Variants in CLEC18A observed in about 807,000 individuals in gnomAD.
CLEC18A encodes the protein C-type lectin domain family 18 member A.
In CLEC18A, 5 loss-of-function variants were observed where a neutral mutation model predicts 24.0. That is an observed-to-expected ratio of 0.21 (90% CI 0.11 to 0.44). The LOEUF (loss-of-function observed/expected upper bound fraction) is 0.44. Among genes scored for constraint, CLEC18A ranks in the 20% least tolerant of loss-of-function variants. CLEC18A has a pLI of 0.99. For missense variants in CLEC18A, 83 were observed against 233.4 expected (o/e 0.36, Z 4.20); for synonymous variants, 29 against 100.1 (o/e 0.29, Z 4.24).
the CLEC18A span, among the ~76,000 whole-genome samples, chr16:69,944,611 A>C: frequency 6.6e-6 from 1 of 151,992 alleles, no homozygotes; most frequent in Non-Finnish European, 1.5e-5. Flanking sequence ...AGGCCAAGGC[A>C]GGTGGATCAC....
chr16:69,956,016 T>C (rs956944253), intron 3 of CLEC18A, among the ~76,000 whole-genome samples: 2 of 152,040 alleles, frequency 1.3e-5, no homozygotes, highest in Non-Finnish European at 2.9e-5. Context: ...GAGGCCAAGG[T>C]GGCAGGATTG....
downstream of CLEC18A, among the ~76,000 whole-genome samples, chr16:69,965,156 G>T (rs1959335639): frequency 6.6e-6 from 1 of 151,788 alleles, no homozygotes; most frequent in Non-Finnish European, 1.5e-5. Flanking sequence ...CCGGGCGCGG[G>T]CAGTTGTCCT....
At chr16:69,953,192 C>T (rs1489288038) in intron 2 of CLEC18A, 1 of 152,510 alleles carries the variant, frequency 6.6e-6, no homozygotes, top group Non-Finnish European at 1.5e-5. Context: ...ACCCTCCGGG[C>T]CTCTAGGGCT....
chr16:69,965,476 G>A (rs1959355867), downstream of CLEC18A, among the ~76,000 whole-genome samples: 2 of 151,548 alleles, frequency 1.3e-5, no homozygotes, highest in South Asian at 2.1e-4. Context: ...TGACCCGGGC[G>A]CGCGCTGCCC....
At chr16:69,945,187 G>A in the CLEC18A span, among the ~76,000 whole-genome samples, 1 of 148,400 alleles carries the variant, frequency 6.7e-6, no homozygotes, top group Admixed American at 6.6e-5. Context: ...CTGCTCAGGA[G>A]GCTGAGGCAT....
At chr16:69,955,080 A>G (rs1302337001) in intron 3 of CLEC18A, among the ~76,000 whole-genome samples, 2 of 152,116 alleles carry the variant, frequency 1.3e-5, no homozygotes, top group East Asian at 1.9e-4. Context: ...AGCTCACTGC[A>G]ACCTCCGTCT....
intron 3 of CLEC18A, among the ~76,000 whole-genome samples, chr16:69,955,049 G>T (rs1424335370): frequency 6.7e-6 from 1 of 148,612 alleles, no homozygotes; most frequent in Non-Finnish European, 1.5e-5. Flanking sequence ...ACCCCAGGCT[G>T]GAGTGCAGTG....
At chr16:69,944,921 G>A in the CLEC18A span, among the ~76,000 whole-genome samples, 1 of 133,492 alleles carries the variant, frequency 7.5e-6, no homozygotes, top group African/African-American at 3.2e-5. Flanking sequence ...CAGGAGGATC[G>A]CTTGAGCCCA....
At chr16:69,964,858 G>T (rs1238930490), downstream of CLEC18A, among the ~76,000 whole-genome samples, 1 of 152,034 alleles carries the variant, frequency 6.6e-6, no homozygotes, top group Non-Finnish European at 1.5e-5. Context: ...CTGGAGTGCA[G>T]GGGTGCAATC....
chr16:69,955,084 T>C (rs2059016241), intron 3 of CLEC18A, among the ~76,000 whole-genome samples: 2 of 152,152 alleles, frequency 1.3e-5, no homozygotes, highest in Admixed American at 1.3e-4. Flanking sequence ...CACTGCAACC[T>C]CCGTCTCCTA....
rs1300019590 is a variant in CLEC18A at position 69,954,715 on chromosome 16, T to G, written c.456+142T>G. The G allele has an allele frequency of 4.7e-6, 7 of 1,476,328 alleles. No individual in the cohort carries two copies. In the African/African-American group the frequency reaches 9.9e-5, roughly 21 times the overall value. The allele number at this position is 1,476,328 out of a possible 1,614,324, so 91.5% of individuals were successfully genotyped here. A position where few individuals can be genotyped will look rare whatever the true frequency, so the allele number is the denominator to read the frequency against. ...GTTTAGTTTTACTTTTTTTTTTTTT[T>G]GATACGGAGTCTTGCTCTGTTGCCC... On this transcript the variant is annotated intron_variant, in intron 3 of 11. Coordinates refer to ENST00000288040, the MANE Select transcript of CLEC18A (RefSeq NM_001370523.4).
intron 3 of CLEC18A, among the ~76,000 whole-genome samples, 179 bp from the exon 4 acceptor site, chr16:69,958,762 TA>T (rs2059062186): frequency 7.6e-6 from 1 of 131,266 alleles, no homozygotes; most frequent in Non-Finnish European, 1.6e-5. Flanking sequence ...AATAAATAAA[TA>T]AATAAGCCTT....
At chr16:69,953,464 G>A (rs1718634305) in intron 2 of CLEC18A, 1 of 150,874 alleles carries the variant, frequency 6.6e-6, no homozygotes, top group African/African-American at 2.4e-5. Flanking sequence ...AGTCTCGGGA[G>A]ATCAGGGGAC....
rs1184159882 is a variant in CLEC18A at position 69,963,757 on chromosome 16, G to A, written c.*146G>A. The A allele has an allele frequency of 7.9e-6, 6 of 756,318 alleles. No individual in the cohort carries two copies. Among genetic ancestry groups the A allele is most frequent in the South Asian group, 7.2e-5 (4 of 55,916 alleles). The allele number at this position is 756,318 out of a possible 1,614,324, so 46.9% of individuals were successfully genotyped here. The stretch of plus-strand genomic sequence containing the variant: ...GACCTTGCACAATGCCAGAAGTTGG[G>A]CAGAGAGAGGCAGGGAGGCCAGTGA... On this transcript the variant is annotated 3_prime_UTR_variant, in exon 12 of 12. Transcript: ENST00000288040.
chr16:69,966,160 C>A (rs1251554391), downstream of CLEC18A, among the ~76,000 whole-genome samples: 1 of 143,030 alleles, frequency 7.0e-6, no homozygotes, highest in Non-Finnish European at 1.5e-5. Context: ...CTATTCTCAT[C>A]CAGAGTATGT....
downstream of CLEC18A, among the ~76,000 whole-genome samples, chr16:69,965,705 G>A (rs1428874006): frequency 7.2e-6 from 1 of 139,714 alleles, no homozygotes; most frequent in Non-Finnish European, 1.5e-5. Context: ...TCACCGCCGC[G>A]GTCCGCCCCG....
chr16:69,964,830 C>T (rs1438053218), downstream of CLEC18A, among the ~76,000 whole-genome samples: 2 of 151,902 alleles, frequency 1.3e-5, no homozygotes, highest in Non-Finnish European at 2.9e-5. Flanking sequence ...GAGACAGAGT[C>T]TCGCTTTGTC....
At chr16:69,965,240 G>A (rs1186909564), downstream of CLEC18A, among the ~76,000 whole-genome samples, 1 of 151,868 alleles carries the variant, frequency 6.6e-6, no homozygotes, top group Non-Finnish European at 1.5e-5. Flanking sequence ...TCCCGCGAAG[G>A]CGCTGAGCCC....
chr16:69,954,750 T>C (rs554954987), intron 3 of CLEC18A, among the ~76,000 whole-genome samples, 177 bp downstream of exon 3: 3 of 152,052 alleles, frequency 2.0e-5, no homozygotes, highest in Non-Finnish European at 4.4e-5. Flanking sequence ...CAGGCTAGAG[T>C]GCAGTGGCGT....
Sources: gnomAD v4.1 joint callset for allele counts (sites outside exome capture counted in the v4.1 genomes callset) on GRCh38, gnomAD v4.1.1 for gene constraint, MANE v1.5 for transcripts, NCBI Gene and HGNC (gene_info 2026-07-23, HGNC 2026-07-21) for gene names.